Variants in RAP1GAP observed in about 807,000 individuals in gnomAD.
RAP1GAP encodes RAP1 GTPase activating protein.
A neutral mutation model predicts 87.2 loss-of-function variants in RAP1GAP; 35 were observed. That is an observed-to-expected ratio of 0.40 (90% CI 0.31 to 0.53). The LOEUF (loss-of-function observed/expected upper bound fraction) is 0.53, where lower values mean the gene tolerates loss of function less well. RAP1GAP is among the 20% of genes least tolerant of loss of function. The probability of loss-of-function intolerance (pLI) is 0.48; values close to 1 mark genes in which losing one functional copy is unlikely to be tolerated. For missense variants in RAP1GAP, 734 were observed against 898.9 expected, an observed-to-expected ratio of 0.82 and a Z score of 2.35; for synonymous variants, 375 against 363.9, an observed-to-expected ratio of 1.03 and a Z score of -0.35.
At chr1:21,629,677 G>T (rs2093322572) in intron 2 of RAP1GAP, among the ~76,000 whole-genome samples, 1 of 152,224 alleles carries the variant, frequency 6.6e-6, no homozygotes, top group Admixed American at 6.5e-5. Flanking sequence ...ACCTGAAGGG[G>T]TAGAAGAGGG....
chr1:21,601,610 G>A (rs1000304943), intron 20 of RAP1GAP, 74 bp downstream of exon 20: 37 of 1,188,570 alleles, frequency 3.1e-5, no homozygotes, highest in Non-Finnish European at 4.0e-5. Context: ...GTGCTGTCCC[G>A]GGCCCAGGCA....
At chr1:21,600,809 C>G (rs375204923) in intron 20 of RAP1GAP, among the ~76,000 whole-genome samples, 21 of 139,068 alleles carry the variant, frequency 1.5e-4, no homozygotes, top group African/African-American at 5.6e-4. Flanking sequence ...GGCGTGAACC[C>G]GGGAGGTGGA....
At chr1:21,606,713 C>T (rs920167824) in intron 17 of RAP1GAP, among the ~76,000 whole-genome samples, 3 of 152,202 alleles carry the variant, frequency 2.0e-5, no homozygotes, top group African/African-American at 7.2e-5. Context: ...CAAATGCTTG[C>T]TATGGGACCA....
rs769683422 is a variant in RAP1GAP, at chr1:21,626,379, G to T, written c.-94C>A. The T allele has an allele frequency of 1.2e-6, 2 of 1,613,090 alleles. No homozygotes were observed. The highest frequency in any genetic ancestry group is 1.7e-6 in the Non-Finnish European group (2 of 1,179,206). The stretch of plus-strand genomic sequence containing the variant: ...GGTCTAGTGCCTGAGGGAAGTGCTG[G>T]TTCTGCCCATCGCTCCTCCTGGAAG... On this transcript the variant is annotated 5_prime_UTR_variant, in exon 3 of 25. Coordinates refer to ENST00000374765, the MANE Select transcript of RAP1GAP (RefSeq NM_002885.4).
At chr1:21,626,451 A>G in intron 2 of RAP1GAP, 54 bp from the exon 3 acceptor site, 1 of 1,439,170 alleles carries the variant, frequency 6.9e-7, no homozygotes, top group African/African-American at 1.4e-5. Context: ...GAAATTTGGG[A>G]ACTCTGGGAG....
Position 21,614,024 on chromosome 1 carries a change from A to G in RAP1GAP, c.357T>C (p.Asp119=). The G allele has an allele frequency of 6.2e-7, 1 of 1,612,758 alleles. No homozygotes were observed. The highest frequency in any genetic ancestry group is 8.5e-7 in the Non-Finnish European group (1 of 1,179,248). Residue 119 remains aspartate, a synonymous_variant, in exon 8 of 25, where the codon GAT becomes GAC. Coordinates refer to ENST00000374765, the MANE Select transcript of RAP1GAP (RefSeq NM_002885.4). ...LGHLVFSLKY[D]VIGDQEHLRL... ...GCAGGTGCTCTTGGTCCCCGATGAC[A>G]TCGTACTTGAGTGAGAAGACAAGGT... is the stretch of plus-strand genomic sequence containing the variant.
chr1:21,648,355 A>G (rs1258797998), intron 2 of RAP1GAP, among the ~76,000 whole-genome samples: 2 of 152,190 alleles, frequency 1.3e-5, no homozygotes, highest in Non-Finnish European at 2.9e-5. Flanking sequence ...TCCTTCGTTC[A>G]GACCCTCCCT....
At position 21,626,336 on chromosome 1, in the gene RAP1GAP, C is replaced by G; in HGVS notation, c.-51G>C. 6.2e-7 allele frequency: 1 copy of G among 1,612,678 alleles called. No homozygotes were observed. Among genetic ancestry groups the G allele is most frequent in the Non-Finnish European group, 8.5e-7 (1 of 1,178,798 alleles). On this transcript the variant is annotated 5_prime_UTR_variant, in exon 3 of 25. Transcript: ENST00000374765. Reference sequence around the variant, plus strand: ...TAGAGTGAAGGAGTATAGGAGGGAACTAAGTTCACTCGTGACAGGTCTAGT... The same window carrying G: ...TAGAGTGAAGGAGTATAGGAGGGAAGTAAGTTCACTCGTGACAGGTCTAGT...
At chr1:21,600,328 C>T (rs2067112060) in intron 20 of RAP1GAP, among the ~76,000 whole-genome samples, 1 of 152,210 alleles carries the variant, frequency 6.6e-6, no homozygotes, top group African/African-American at 2.4e-5. Flanking sequence ...ACTGCGTCTC[C>T]CTGGTCCCTG....
chr1:21,669,308 C>T lies in RAP1GAP; in HGVS notation c.-203G>A. On this transcript the variant is annotated 5_prime_UTR_variant, in exon 1 of 25. Transcript: ENST00000374765. This position sits in a 1 kb window ranked among gnomAD's most constrained non-coding sequence, Gnocchi z 5.6. ...CTCGGCACTCTGGTGCCCGCGGCCG[C>T]CGCTGCAGCTCTGCTCAGATGCGGC... The T allele has an allele frequency of 8.5e-7, 1 of 1,170,394 alleles. No homozygotes were observed. Among genetic ancestry groups the T allele is most frequent in the South Asian group, 1.6e-5 (1 of 62,302 alleles). The allele number at this position is 1,170,394 out of a possible 1,614,324, so 72.5% of individuals were successfully genotyped here. A position where few individuals can be genotyped will look rare whatever the true frequency, so the allele number is the denominator to read the frequency against.
chr1:21,613,616 C>T lies in RAP1GAP; in HGVS notation c.474+12G>A, dbSNP rs137967060. ...AGCCAGCCCGGGAAGCTCAGCGGAGCGGAGACCTCACCTTTGCCATCTGGA... is the reference window on the plus strand; with the variant it reads ...AGCCAGCCCGGGAAGCTCAGCGGAGTGGAGACCTCACCTTTGCCATCTGGA... On this transcript the variant is annotated intron_variant, in intron 9 of 24. Coordinates refer to ENST00000374765, the MANE Select transcript of RAP1GAP (RefSeq NM_002885.4). The surrounding 1 kb of genome is among the most constrained non-coding windows in gnomAD (Gnocchi z 4.7). 1,573 of 1,607,088 alleles carry T rather than the reference C, an allele frequency of 9.8e-4. 11 individuals carry two copies. In the African/African-American group the frequency reaches 0.016, roughly 17 times the overall value.
rs1311182031 is a variant in RAP1GAP at position 21,603,580 on chromosome 1, A to G, written c.1429-667T>C. The G allele has an allele frequency of 3.1e-6, 2 of 648,842 alleles. No homozygotes were observed. The highest frequency in any genetic ancestry group is 1.8e-5 in the African/African-American group (1 of 55,316). 40.2% of individuals were successfully genotyped at this position (648,842 alleles called of 1,614,324 possible). ...GGGCCTTTGGGTACCGGATCCTGGCAGGGACTGGGCCAGGGTCCCAGGGGC... is the reference window on the plus strand; with the variant it reads ...GGGCCTTTGGGTACCGGATCCTGGCGGGGACTGGGCCAGGGTCCCAGGGGC... On this transcript the variant is annotated intron_variant, in intron 18 of 24. Coordinates refer to ENST00000374765, the MANE Select transcript of RAP1GAP (RefSeq NM_002885.4). The surrounding 1 kb of genome is among the most constrained non-coding windows in gnomAD (Gnocchi z 6.0).
At position 21,613,694 on chromosome 1, in the gene RAP1GAP, C is replaced by T; in HGVS notation, c.408G>A (p.Arg136=). 6.2e-7 allele frequency: 1 copy of T among 1,612,958 alleles called. No homozygotes were observed. The highest frequency in any genetic ancestry group is 8.5e-7 in the Non-Finnish European group (1 of 1,179,354). The change falls in exon 9 of 25, where the codon CGG becomes CGA. Residue 136 remains arginine (R), a synonymous_variant. Coordinates refer to ENST00000374765, the MANE Select transcript of RAP1GAP (RefSeq NM_002885.4). The surrounding 1 kb of genome is among the most constrained non-coding windows in gnomAD (Gnocchi z 4.7). ...HLRLLLRTKC[R]TYHDVIPISC... ...AGATGGGGATGACATCATGGTATGT[C>T]CGGCACTTGGTCCTGAGAAGAGAAA...
At chr1:21,637,238 C>T (rs755942294) in intron 2 of RAP1GAP, among the ~76,000 whole-genome samples, 29 of 149,604 alleles carry the variant, frequency 1.9e-4, no homozygotes, top group Non-Finnish European at 4.0e-4. Context: ...CTCATTCCAA[C>T]TTCTGCCTCC....
chr1:21,649,820 T>G (rs998838027), intron 1 of RAP1GAP, 24 bp from the exon 2 acceptor site: 20 of 1,550,866 alleles, frequency 1.3e-5, no homozygotes, highest in Non-Finnish European at 1.6e-5. Context: ...AGAGGGGCCA[T>G]AGGTGAGGGG....
intron 2 of RAP1GAP, among the ~76,000 whole-genome samples, chr1:21,629,558 TA>T (rs35688627): frequency 6.6e-6 from 1 of 151,942 alleles, no homozygotes; most frequent in East Asian, 1.9e-4. Context: ...CAACTCCACC[TA>T]AAAAGCCACT....
chr1:21,609,605 G>A lies in RAP1GAP; in HGVS notation c.1041C>T (p.Pro347=), dbSNP rs2076977824. Residue 347 remains proline (P), a synonymous_variant, in exon 15 of 25, where the codon CCC becomes CCT. Transcript: ENST00000374765. This position sits in a 1 kb window ranked among gnomAD's most constrained non-coding sequence, Gnocchi z 4.4. ...TARDDVPFFG[P]PLPDPAVFRK... is the part of the protein sequence containing the mutation. ...TGAACACAGCGGGGTCCGGGAGGGGGGGTCCAAAGAAGGGCACATCATCTC... is the reference window on the plus strand; with the variant it reads ...TGAACACAGCGGGGTCCGGGAGGGGAGGTCCAAAGAAGGGCACATCATCTC... 2 of 1,580,572 alleles carry A rather than the reference G, an allele frequency of 1.3e-6. No individual in the cohort carries two copies. Among genetic ancestry groups the A allele is most frequent in the East Asian group, 2.3e-5 (1 of 43,060 alleles).
chr1:21,626,255 G>A (rs370536275), intron 3 of RAP1GAP, 49 bp downstream of exon 3: 111 of 1,461,876 alleles, frequency 7.6e-5, no homozygotes, highest in Middle Eastern at 5.2e-4. Context: ...GGCATGTGTC[G>A]GAGGTAGGGG....
At chr1:21,643,515 C>G (rs2095720058) in intron 2 of RAP1GAP, among the ~76,000 whole-genome samples, 1 of 148,922 alleles carries the variant, frequency 6.7e-6, no homozygotes. Flanking sequence ...CAAGATCGTG[C>G]CACTGCACTC....
Sources: allele counts gnomAD v4.1 joint callset (sites outside exome capture counted in the v4.1 genomes callset), GRCh38; gene constraint gnomAD v4.1.1; non-coding constraint Gnocchi (gnomAD v3.1); transcripts MANE v1.5; gene names NCBI Gene and HGNC (gene_info 2026-07-23, HGNC 2026-07-21).